The following CD1A variants were observed in gnomAD, a reference collection of about 807,000 sequenced individuals.
CD1A encodes the protein CD1a molecule, also known as T-cell surface glycoprotein CD1a.
A neutral mutation model predicts 38.3 loss-of-function variants in CD1A; 50 were observed. The ratio of observed to expected loss-of-function variants is 1.30; its 90% CI spans 1.04 to 1.65. The LOEUF (loss-of-function observed/expected upper bound fraction) is 1.65. Among genes scored for constraint, CD1A ranks in the 40% most tolerant of loss-of-function variants. The probability of loss-of-function intolerance (pLI) is 0.00; values close to 1 mark genes in which losing one functional copy is unlikely to be tolerated. For synonymous variants in CD1A, 160 were observed against 150.8 expected, an observed-to-expected ratio of 1.06 and a Z score of -0.45; for missense variants, 459 against 406.1, an observed-to-expected ratio of 1.13 and a Z score of -1.12.
At chr1:158,250,407 T>C (rs1369822120), upstream of CD1A, among the ~76,000 whole-genome samples, 1 of 152,202 alleles carries the variant, frequency 6.6e-6, no homozygotes, top group East Asian at 1.9e-4. Flanking sequence ...AGGATGATGA[T>C]CATAGGGCAT....
At chr1:158,250,676 C>G (rs1650064481), upstream of CD1A, among the ~76,000 whole-genome samples, 1 of 152,184 alleles carries the variant, frequency 6.6e-6, no homozygotes, top group Non-Finnish European at 1.5e-5. Flanking sequence ...CTCTTCCTAT[C>G]TCTCTCACCT....
At chr1:158,254,968 A>G (rs1650195489) in intron 1 of CD1A, 116 bp from the exon 2 acceptor site, 1 of 1,093,884 alleles carries the variant, frequency 9.1e-7, no homozygotes, top group African/African-American at 1.6e-5. Flanking sequence ...ATGTCTGCTA[A>G]GATCATGATG....
At chr1:158,256,675 CAA>C (rs34315183) in intron 3 of CD1A, 109 bp from the exon 4 acceptor site, 21,397 of 1,061,264 alleles carry the variant, frequency 0.02, no homozygotes, top group South Asian at 0.041. Context: ...GACCCTGTCT[CAA>C]AAAAAAAAAA....
chr1:158,252,896 T>TCAAAA (rs59775988), upstream of CD1A, among the ~76,000 whole-genome samples: 4,064 of 151,676 alleles, frequency 0.027, 192 homozygotes, highest in African/African-American at 0.091. Context: ...AGACTCTGTC[T>TCAAAA]CAAAACAAAA....
rs771060582 is a variant in CD1A, at chr1:158,256,155, G to A, written c.477G>A (p.Lys159=). The A allele has an allele frequency of 5.0e-6, 8 of 1,614,036 alleles. No homozygotes were observed. Among genetic ancestry groups the A allele is most frequent in the Admixed American group, 1.7e-5 (1 of 60,000 alleles). The stretch of plus-strand genomic sequence containing the variant: ...ATCCAGTGGCTGGGAATATGGCCAA[G>A]CATTTCTGCAAAGTGCTCAATCAGA... ...LPYPVAGNMA[K]HFCKVLNQNQ... Residue 159 remains lysine (K), a synonymous_variant, in exon 3 of 6, where the codon AAG becomes AAA. Transcript: ENST00000289429.
At chr1:158,250,835 A>G (rs532487861), upstream of CD1A, among the ~76,000 whole-genome samples, 1 of 152,288 alleles carries the variant, frequency 6.6e-6, no homozygotes, top group East Asian at 1.9e-4. Flanking sequence ...AAAGTTTTAA[A>G]AGAGCTTTTT....
rs904849437 is a variant in CD1A at position 158,254,553 on chromosome 1, G to A, written c.-117G>A. On this transcript the variant is annotated 5_prime_UTR_variant, in exon 1 of 6. Transcript: ENST00000289429. ...GATTTTCTTTGTTGCAGTCAGGGGA[G>A]GTTTGTCTGTTGGCTGCAGAAAGAA... The A allele has an allele frequency of 1.6e-5, 25 of 1,569,862 alleles. No homozygotes were observed. Among genetic ancestry groups the A allele is most frequent in the Non-Finnish European group, 1.8e-5 (21 of 1,159,412 alleles).
chr1:158,257,099 A>G (rs760711642), intron 4 of CD1A, 35 bp downstream of exon 4: 3 of 1,577,714 alleles, frequency 1.9e-6, no homozygotes, highest in South Asian at 2.3e-5. Flanking sequence ...TGGAAATGCC[A>G]GGAAGTGGAC....
intron 3 of CD1A, 35 bp from the exon 4 acceptor site, chr1:158,256,751 A>G (rs750579986): frequency 1.3e-6 from 2 of 1,597,766 alleles, no homozygotes; most frequent in Non-Finnish European, 1.7e-6. Context: ...TGAAACTCCA[A>G]GTCTGTATTT....
upstream of CD1A, among the ~76,000 whole-genome samples, chr1:158,253,596 A>G (rs1355774850): frequency 6.6e-6 from 1 of 152,204 alleles, no homozygotes; most frequent in Non-Finnish European, 1.5e-5. Flanking sequence ...GAATTCATTC[A>G]TTCATTTGAC....
chr1:158,254,424 A>G lies in CD1A; in HGVS notation c.-246A>G, dbSNP rs1650171748. 7 of 1,339,872 alleles carry G rather than the reference A, an allele frequency of 5.2e-6. No homozygotes were observed. The highest frequency in any genetic ancestry group is 3.1e-5 in the South Asian group (2 of 64,218). The allele number at this position is 1,339,872 out of a possible 1,614,324, so 83.0% of individuals were successfully genotyped here. The stretch of plus-strand genomic sequence containing the variant: ...GCAGTTGAATTAGGGGAAGGTGAAT[A>G]AGTTGGAGGTTGGTGACAAGGAGAG... On this transcript the variant is annotated 5_prime_UTR_variant, in exon 1 of 6. Coordinates refer to ENST00000289429, the MANE Select transcript of CD1A (RefSeq NM_001763.3).
chr1:158,249,807 G>A (rs554760271), upstream of CD1A, among the ~76,000 whole-genome samples: 102 of 152,288 alleles, frequency 6.7e-4, no homozygotes, highest in Admixed American at 2.4e-3. Context: ...CCTGGGGGCC[G>A]CACTCCATGA....
At chr1:158,254,793 G>T in intron 1 of CD1A, 66 bp downstream of exon 1, 1 of 190,266 alleles carries the variant, frequency 5.3e-6, no homozygotes, top group Non-Finnish European at 8.4e-6. Flanking sequence ...CTCTGTGTGT[G>T]TGTGTGTGTG....
intron 3 of CD1A, 96 bp from the exon 4 acceptor site, chr1:158,256,690 G>T: frequency 1.5e-6 from 2 of 1,309,860 alleles, no homozygotes; most frequent in African/African-American, 1.5e-5. Context: ...AAAAAAAAAA[G>T]AGAAATGGGA....
upstream of CD1A, among the ~76,000 whole-genome samples, chr1:158,252,764 G>A (rs1374959209): frequency 6.6e-6 from 1 of 152,024 alleles, no homozygotes; most frequent in Non-Finnish European, 1.5e-5. Context: ...CAGGCATGGT[G>A]GTGCATACCT....
Position 158,255,293 on chromosome 1 carries a change from C to T in CD1A, c.268C>T (p.Arg90Cys), listed in dbSNP as rs116290813. ...WKELETLFRIRTIRSFEGIRR... is the reference protein window; with the variant it reads ...WKELETLFRICTIRSFEGIRR... ...GGAACTGGAAACATTATTCCGTATACGCACCATTCGGTCATTTGAGGGAAT... is the reference window on the plus strand; with the variant it reads ...GGAACTGGAAACATTATTCCGTATATGCACCATTCGGTCATTTGAGGGAAT... The change falls in exon 2 of 6, where the codon CGC (arginine) becomes TGC (cysteine). Residue 90 changes from arginine (R) to cysteine (C), a missense_variant. Coordinates refer to ENST00000289429, the MANE Select transcript of CD1A (RefSeq NM_001763.3). The T allele has an allele frequency of 2.4e-3, 3,815 of 1,614,082 alleles. 61 individuals are homozygous for T. The African/African-American group carries it at 0.039, about 17-fold the overall frequency.
intron 5 of CD1A, 30 bp downstream of exon 5, chr1:158,257,541 C>G (rs1208965867): frequency 1.3e-6 from 2 of 1,593,522 alleles, no homozygotes; most frequent in Middle Eastern, 1.7e-4. Flanking sequence ...CTTTCCTACT[C>G]TTAGCCTCTA....
chr1:158,255,095 C>G lies in CD1A; in HGVS notation c.70C>G (p.Pro24Ala). Residue 24 changes from proline to alanine, a missense_variant, in exon 2 of 6, where the codon CCT becomes GCT. Pro to Ala is a conservative substitution (Grantham distance 27). Transcript: ENST00000289429. The stretch of plus-strand genomic sequence containing the variant: ...TTCTTTTGTCGCAGGGCTCAAGGAG[C>G]CTCTCTCCTTCCATGTCACCTGGAT... ...GDGNADGLKE[P>A]LSFHVTWIAS... is the part of the protein sequence containing the mutation. 6.2e-7 allele frequency: 1 copy of G among 1,613,874 alleles called. No homozygotes were observed. The highest frequency in any genetic ancestry group is 1.3e-5 in the African/African-American group (1 of 74,990).
At chr1:158,252,109 G>A (rs939742042), upstream of CD1A, among the ~76,000 whole-genome samples, 1 of 151,100 alleles carries the variant, frequency 6.6e-6, no homozygotes, top group Admixed American at 6.6e-5. Flanking sequence ...GATTACAGGT[G>A]TGAGCCACCG....
Sources: allele counts gnomAD v4.1 joint callset (sites outside exome capture counted in the v4.1 genomes callset), GRCh38; gene constraint gnomAD v4.1.1; transcripts MANE v1.5; gene names NCBI Gene and HGNC (gene_info 2026-07-23, HGNC 2026-07-21).